TES: variants seen among roughly 807,000 people sequenced by gnomAD.
TES encodes testin.
A neutral mutation model predicts 48.2 loss-of-function variants in TES; 41 were observed. The observed-to-expected ratio is 0.85, with a 90% confidence interval of 0.66 to 1.10. The LOEUF is 1.10. TES is among the 50% of genes least tolerant of loss of function. TES has a pLI of 0.00. For synonymous variants in TES, 162 were observed against 174.9 expected (o/e 0.93, Z 0.58); for missense variants, 463 against 515.1 (o/e 0.90, Z 0.98).
intron 1 of TES, among the ~76,000 whole-genome samples, chr7:116,229,411 G>GAGA (rs1345045463): frequency 6.6e-6 from 1 of 152,136 alleles, no homozygotes; most frequent in Non-Finnish European, 1.5e-5. Context: ...GAGAAGAGAT[G>GAGA]AGAAGAATTC....
At chr7:116,231,267 GAGC>G (rs1799696508) in intron 1 of TES, among the ~76,000 whole-genome samples, 1 of 152,208 alleles carries the variant, frequency 6.6e-6, no homozygotes, top group Non-Finnish European at 1.5e-5. Flanking sequence ...GACTTTAAAA[GAGC>G]AGCAGTTCAT....
At chr7:116,218,143 A>G (rs773425377) in intron 1 of TES, among the ~76,000 whole-genome samples, 8 of 152,124 alleles carry the variant, frequency 5.3e-5, no homozygotes, top group Non-Finnish European at 1.2e-4. Context: ...CAGCAAAGTT[A>G]CTACTCTGTA....
At position 116,250,469 on chromosome 7, in the gene TES, A is replaced by G. The variant is rs202196519; in HGVS notation, c.675A>G (p.Lys225=). Residue 225 remains lysine, a synonymous_variant, in exon 4 of 7, where the codon AAA becomes AAG. Coordinates refer to ENST00000358204, the MANE Select transcript of TES (RefSeq NM_015641.4). ...TPAAVGAMED[K]SAEHKRTQYS... Reference sequence around the variant, plus strand: ...CAGCAGTGGGGGCCATGGAGGACAAATCTGCTGAGCACAAAAGAACTCAAT... The same window carrying G: ...CAGCAGTGGGGGCCATGGAGGACAAGTCTGCTGAGCACAAAAGAACTCAAT... 2 of 1,569,372 alleles carry G rather than the reference A, an allele frequency of 1.3e-6. No individual in the cohort carries two copies. The highest frequency in any genetic ancestry group is 2.4e-5 in the South Asian group (2 of 82,342).
At chr7:116,218,061 A>G (rs56943276) in intron 1 of TES, 430 of 416,458 alleles carry the variant, frequency 1.0e-3, no homozygotes, top group African/African-American at 8.5e-3. Flanking sequence ...AGATTTGAGC[A>G]TGGCTTAAAG....
intron 1 of TES, among the ~76,000 whole-genome samples, chr7:116,223,886 A>G (rs1381824725): frequency 6.6e-6 from 1 of 152,250 alleles, no homozygotes; most frequent in African/African-American, 2.4e-5. Flanking sequence ...AAAAGAGGAT[A>G]TAGTAGGCAG....
Position 116,251,196 on chromosome 7 carries a change from C to T in TES, c.703-564C>T, listed in dbSNP as rs146328958. Among the ~76,000 whole-genome samples, 296 of 152,212 alleles carry T rather than the reference C, an allele frequency of 1.9e-3. 1 individual carries two copies. Among genetic ancestry groups the T allele is most frequent in the African/African-American group, 6.7e-3 (279 of 41,530 alleles). On this transcript the variant is annotated intron_variant, in intron 4 of 6. Transcript: ENST00000358204. ...ACTATTTTCCTTTTTCCATAAGTGACCTTAATTCAGGAAATAATGCCTGTT... is the reference window on the plus strand; with the variant it reads ...ACTATTTTCCTTTTTCCATAAGTGATCTTAATTCAGGAAATAATGCCTGTT...
intron 2 of TES, among the ~76,000 whole-genome samples, chr7:116,245,596 C>G (rs1170534764): frequency 6.6e-6 from 1 of 152,180 alleles, no homozygotes; most frequent in Non-Finnish European, 1.5e-5. Flanking sequence ...TCACATCAAC[C>G]TGTCTTCTTA....
At chr7:116,223,605 A>C (rs987202215) in intron 1 of TES, among the ~76,000 whole-genome samples, 4 of 152,156 alleles carry the variant, frequency 2.6e-5, no homozygotes, top group Non-Finnish European at 4.4e-5. Flanking sequence ...AATGAGACTT[A>C]GAGGCTAAAA....
chr7:116,215,823 A>G (rs1260946482), intron 1 of TES, among the ~76,000 whole-genome samples: 1 of 152,176 alleles, frequency 6.6e-6, no homozygotes, highest in African/African-American at 2.4e-5. Flanking sequence ...CCCTTGTAGC[A>G]AAGTGTTCAG....
At chr7:116,246,714 C>G (rs1441604513) in intron 2 of TES, among the ~76,000 whole-genome samples, 1 of 152,172 alleles carries the variant, frequency 6.6e-6, no homozygotes, top group Non-Finnish European at 1.5e-5. Flanking sequence ...GATACACACC[C>G]ACATACACAG....
At chr7:116,217,659 C>T (rs902206721) in intron 1 of TES, 5 of 380,242 alleles carry the variant, frequency 1.3e-5, no homozygotes, top group Non-Finnish European at 2.6e-5. Flanking sequence ...TGCAAAACTG[C>T]AGATTTTCAG....
intron 1 of TES, among the ~76,000 whole-genome samples, chr7:116,233,273 G>A (rs577690280): frequency 2.2e-4 from 33 of 152,176 alleles, no homozygotes; most frequent in African/African-American, 7.5e-4. Flanking sequence ...AATATCAGTC[G>A]TTGGGTAAAA....
Position 116,258,104 on chromosome 7 carries a change from CTT to C in TES, c.*624_*625del, listed in dbSNP as rs1800130944. 2.0e-5 allele frequency: 3 copies of C among 151,962 alleles called. No homozygotes were observed. The South Asian group carries it at 6.2e-4, about 32-fold the overall frequency. 9.4% of individuals were successfully genotyped at this position (151,962 alleles called of 1,614,324 possible). ...TAATGTACCCTACCTTCAGTATTCT[CTT>C]TGTAAGTTGGTGACTTGCATCTGTG... On this transcript the variant is annotated 3_prime_UTR_variant, in exon 7 of 7. Coordinates refer to ENST00000358204, the MANE Select transcript of TES (RefSeq NM_015641.4).
intron 1 of TES, chr7:116,217,937 T>G (rs1482776640): frequency 2.0e-6 from 1 of 506,418 alleles, no homozygotes; most frequent in East Asian, 5.5e-5. Flanking sequence ...ATGACTATAA[T>G]TTTCTAAGTA....
intron 6 of TES, among the ~76,000 whole-genome samples, chr7:116,254,370 C>G (rs1206406842): frequency 3.3e-5 from 5 of 151,928 alleles, no homozygotes; most frequent in African/African-American, 1.2e-4. Context: ...TGTTTCTAAT[C>G]AATGGCAGGG....
At chr7:116,242,521 CTCTCTCTCTCTCTCTCTG>C (rs1799862443) in intron 2 of TES, among the ~76,000 whole-genome samples, 1 of 130,000 alleles carries the variant, frequency 7.7e-6, no homozygotes, top group Non-Finnish European at 1.7e-5. Context: ...CTCTCTCTCT[CTCTCTCTCTCTCTCTCTG>C]TCTCTGTCTC....
At position 116,258,100 on chromosome 7, in the gene TES, TTC is replaced by T. The variant is rs2116642401; in HGVS notation, c.*622_*623del. 6.6e-6 allele frequency: 1 copy of T among 152,350 alleles called. No homozygotes were observed. The highest frequency in any genetic ancestry group is 1.9e-4 in the East Asian group (1 of 5,192). The allele number at this position is 152,350 out of a possible 1,614,324, so 9.4% of individuals were successfully genotyped here. A position where few individuals can be genotyped will look rare whatever the true frequency, so the allele number is the denominator to read the frequency against. Reference sequence around the variant, plus strand: ...TTTTTAATGTACCCTACCTTCAGTATTCTCTTTGTAAGTTGGTGACTTGCATC... The same window carrying T: ...TTTTTAATGTACCCTACCTTCAGTATTCTTTGTAAGTTGGTGACTTGCATC... On this transcript the variant is annotated 3_prime_UTR_variant, in exon 7 of 7. Transcript: ENST00000358204.
At chr7:116,228,988 G>A (rs1051777278) in intron 1 of TES, among the ~76,000 whole-genome samples, 21 of 87,866 alleles carry the variant, frequency 2.4e-4, no homozygotes, top group Non-Finnish European at 3.9e-4. Flanking sequence ...TAGCTCTCTA[G>A]TATCTATAAC....
chr7:116,227,703 A>G (rs3807970), intron 1 of TES, among the ~76,000 whole-genome samples: 18,305 of 152,202 alleles, frequency 0.12, 1,110 homozygotes, highest in South Asian at 0.19. Context: ...ATACATGCAT[A>G]TGTGTGTGTA....
Sources: allele counts gnomAD v4.1 joint callset (sites outside exome capture counted in the v4.1 genomes callset), GRCh38; gene constraint gnomAD v4.1.1; transcripts MANE v1.5; gene names NCBI Gene and HGNC (gene_info 2026-07-23, HGNC 2026-07-21).